Variants in DAP3 observed in about 807,000 individuals in gnomAD.
DAP3 encodes death associated protein 3, also known as small ribosomal subunit protein mS29.
Under a neutral mutation model 51.9 loss-of-function variants are expected in DAP3, and 28 were observed. The ratio of observed to expected loss-of-function variants is 0.54; its 90% CI spans 0.40 to 0.74. The LOEUF (loss-of-function observed/expected upper bound fraction) is 0.74, where lower values mean the gene tolerates loss of function less well. Ranked by LOEUF, DAP3 falls within the 30% of genes least tolerant of loss-of-function variation. The pLI is 0.00. For missense variants in DAP3, 458 were observed against 483.5 expected (o/e 0.95, Z 0.49); for synonymous variants, 170 against 170.3 (o/e 1.00, Z 0.01).
chr1:155,733,768 C>T lies in DAP3; in HGVS notation c.993+1735C>T, dbSNP rs558879549. Reference sequence around the variant, plus strand: ...AGAAGAATCGGTTGAACCCAGGAGGCGGAGGTTGCAGTGAACCAAGATTGT... The same window carrying T: ...AGAAGAATCGGTTGAACCCAGGAGGTGGAGGTTGCAGTGAACCAAGATTGT... On this transcript the variant is annotated intron_variant, in intron 11 of 12. Coordinates refer to ENST00000368336, the MANE Select transcript of DAP3 (RefSeq NM_004632.4). Among the ~76,000 whole-genome samples, 27 of 152,138 alleles carry T rather than the reference C, an allele frequency of 1.8e-4. 1 individual carries two copies. Among genetic ancestry groups the T allele is most frequent in the East Asian group, 7.7e-4 (4 of 5,172 alleles).
intron 1 of DAP3, among the ~76,000 whole-genome samples, chr1:155,691,279 C>T (rs1653795012): frequency 7.1e-6 from 1 of 141,812 alleles, no homozygotes; most frequent in South Asian, 2.1e-4. Flanking sequence ...TTCCATTCCT[C>T]CCTCCCATTG....
intron 1 of DAP3, among the ~76,000 whole-genome samples, chr1:155,704,479 G>A (rs1655704114): frequency 6.6e-6 from 1 of 152,142 alleles, no homozygotes. Context: ...GAGAAGATCT[G>A]GGGAGCACAG....
intron 1 of DAP3, among the ~76,000 whole-genome samples, chr1:155,706,996 G>GAC (rs112352352): frequency 0.16 from 24,935 of 151,808 alleles, 4,480 homozygotes; most frequent in African/African-American, 0.45. Context: ...AGGAGGCTGA[G>GAC]AGGAGAATCG....
intron 1 of DAP3, among the ~76,000 whole-genome samples, chr1:155,701,854 C>A (rs1655328430): frequency 6.6e-6 from 1 of 151,304 alleles, no homozygotes; most frequent in East Asian, 1.9e-4. Context: ...AAGGTTAGAG[C>A]CAACTTTCAA....
At chr1:155,732,508 G>A (rs1470651917) in intron 11 of DAP3, among the ~76,000 whole-genome samples, 2 of 152,082 alleles carry the variant, frequency 1.3e-5, no homozygotes, top group Admixed American at 1.3e-4. Flanking sequence ...TAGGATTATA[G>A]GCGTGAGCCA....
intron 9 of DAP3, among the ~76,000 whole-genome samples, chr1:155,731,070 C>T (rs923451864): frequency 2.0e-5 from 3 of 152,016 alleles, no homozygotes; most frequent in Non-Finnish European, 4.4e-5. Flanking sequence ...GAGTTTGAGA[C>T]CGTCCTGGCT....
chr1:155,729,820 T>C (rs1329522409), intron 9 of DAP3, among the ~76,000 whole-genome samples: 1 of 151,968 alleles, frequency 6.6e-6, no homozygotes. Flanking sequence ...CAGTGGCTCA[T>C]GCCTGTAATC....
chr1:155,706,627 C>G (rs1656009630), intron 1 of DAP3, among the ~76,000 whole-genome samples: 1 of 151,234 alleles, frequency 6.6e-6, no homozygotes, highest in Non-Finnish European at 1.5e-5. Flanking sequence ...ATTAGCTGGA[C>G]ATGGTGGTGT....
intron 1 of DAP3, among the ~76,000 whole-genome samples, chr1:155,706,670 G>A (rs893214308): frequency 3.3e-5 from 5 of 151,950 alleles, no homozygotes; most frequent in Admixed American, 1.3e-4. Context: ...AGGCAGCTGA[G>A]GCAGGAGAAT....
At chr1:155,707,005 C>T (rs1053021260) in intron 1 of DAP3, among the ~76,000 whole-genome samples, 2 of 151,680 alleles carry the variant, frequency 1.3e-5, no homozygotes, top group African/African-American at 2.4e-5. Flanking sequence ...AGAGGAGAAT[C>T]GCTTTAACCC....
intron 11 of DAP3, among the ~76,000 whole-genome samples, chr1:155,735,302 G>A (rs1382177081): frequency 2.0e-5 from 3 of 151,690 alleles, no homozygotes; most frequent in East Asian, 2.0e-4. Flanking sequence ...TGGGCCGGGC[G>A]CAGTGGCTCA....
chr1:155,721,470 T>G, intron 3 of DAP3, 47 bp from the exon 4 acceptor site: 2 of 1,574,576 alleles, frequency 1.3e-6, no homozygotes, highest in East Asian at 4.5e-5. Context: ...AAAGAAAGTC[T>G]TGGTCACTTT....
intron 3 of DAP3, 125 bp downstream of exon 3, chr1:155,717,253 C>T: frequency 7.0e-7 from 1 of 1,429,152 alleles, no homozygotes. Context: ...GATAGTGCAC[C>T]TGAGATAGCA....
intron 7 of DAP3, 123 bp from the exon 8 acceptor site, chr1:155,728,919 A>G: frequency 1.1e-6 from 1 of 885,822 alleles, no homozygotes; most frequent in Non-Finnish European, 1.7e-6. Context: ...TCTCTTACAG[A>G]ACCTGAACAA....
rs780589326 is a variant in DAP3 at position 155,729,320 on chromosome 1, A to G, written c.797A>G (p.Asn266Ser). The G allele has an allele frequency of 9.3e-6, 15 of 1,614,186 alleles. No homozygotes were observed. The highest frequency in any genetic ancestry group is 1.2e-5 in the Non-Finnish European group (14 of 1,180,042). ...CTCCTAGTGGCCGTGGATGGAATCA[A>G]TGCTCTTTGGGGAAGAACCACTCTG... Reference protein sequence around the residue: ...FHLLVAVDGINALWGRTTLKR... With the variant: ...FHLLVAVDGISALWGRTTLKR... Residue 266 changes from asparagine (N) to serine (S), a missense_variant, in exon 9 of 13, where the codon AAT becomes AGT. Asn to Ser is a conservative substitution (Grantham distance 46). Transcript: ENST00000368336.
intron 1 of DAP3, among the ~76,000 whole-genome samples, chr1:155,691,999 A>G (rs1571407738): frequency 1.4e-5 from 2 of 141,790 alleles, no homozygotes; most frequent in South Asian, 4.1e-4. Flanking sequence ...TATTGAGTAC[A>G]GTCACTTAGA....
At chr1:155,734,086 G>C (rs1659514729) in intron 11 of DAP3, among the ~76,000 whole-genome samples, 1 of 152,162 alleles carries the variant, frequency 6.6e-6, no homozygotes, top group South Asian at 2.1e-4. Context: ...GAGCCCGGGA[G>C]GTCAAGGCTG....
In DAP3 at chr1:155,721,650, G is replaced by C. The variant is rs573427333; in HGVS notation, c.270+32G>C. The stretch of plus-strand genomic sequence containing the variant: ...AAGACAGGGAATGGAATTGGAGGGA[G>C]CCCAGAATACAAGCTGCTGCTAGCA... On this transcript the variant is annotated intron_variant, in intron 4 of 12. Coordinates refer to ENST00000368336, the MANE Select transcript of DAP3 (RefSeq NM_004632.4). 142 of 1,606,354 alleles carry C rather than the reference G, an allele frequency of 8.8e-5. 1 individual carries two copies. The South Asian group carries it at 1.5e-3, about 17-fold the overall frequency.
intron 2 of DAP3, among the ~76,000 whole-genome samples, chr1:155,716,336 C>T (rs1420646750): frequency 2.6e-5 from 4 of 151,458 alleles, no homozygotes; most frequent in Admixed American, 6.6e-5. Context: ...CAGAGGCGGG[C>T]GGATCATGAG....
Sources: allele counts gnomAD v4.1 joint callset (sites outside exome capture counted in the v4.1 genomes callset), GRCh38; gene constraint gnomAD v4.1.1; transcripts MANE v1.5; gene names NCBI Gene and HGNC (gene_info 2026-07-23, HGNC 2026-07-21).